The following MTPN variants were observed in gnomAD, a reference collection of about 807,000 sequenced individuals.
MTPN encodes myotrophin.
Under a neutral mutation model 13.5 loss-of-function variants are expected in MTPN, and 2 were observed. The observed-to-expected ratio is 0.15, with a 90% CI of 0.06 to 0.47. The LOEUF (loss-of-function observed/expected upper bound fraction) is 0.47, where lower values mean the gene tolerates loss of function less well. Among genes scored for constraint, MTPN ranks in the 20% least tolerant of loss-of-function variants. The probability of loss-of-function intolerance (pLI) is 0.97; values close to 1 mark genes in which losing one functional copy is unlikely to be tolerated. For synonymous variants in MTPN, 46 were observed against 51.7 expected (o/e 0.89, Z 0.48); for missense variants, 79 against 137.9 (o/e 0.57, Z 2.14).
chr7:135,954,593 T>C (rs540245254), intron 1 of MTPN, among the ~76,000 whole-genome samples: 79 of 152,254 alleles, frequency 5.2e-4, no homozygotes, highest in Admixed American at 4.3e-3. Context: ...AATAAATAAG[T>C]GCAATAAATC....
At chr7:135,949,561 T>C (rs1469325168) in intron 3 of MTPN, among the ~76,000 whole-genome samples, 2 of 152,196 alleles carry the variant, frequency 1.3e-5, no homozygotes, top group African/African-American at 2.4e-5. Flanking sequence ...GTGGTTAACA[T>C]GAAGCTATGG....
intron 1 of MTPN, among the ~76,000 whole-genome samples, chr7:135,954,811 T>C (rs371852391): frequency 6.6e-6 from 1 of 152,042 alleles, no homozygotes; most frequent in Non-Finnish European, 1.5e-5. Context: ...GGCGTGGTGG[T>C]GGGCACCTGT....
chr7:135,977,223 G>A lies in MTPN; in HGVS notation c.-123C>T, dbSNP rs1376217786. On this transcript the variant is annotated 5_prime_UTR_variant, in exon 1 of 4. Coordinates refer to ENST00000393085, the MANE Select transcript of MTPN (RefSeq NM_145808.4). ...GAAGCCGGAGAGGAGAAGAAGAGAAGGAGGGTTAGGCTGCCAGGCGGGCGA... is the reference window on the plus strand; with the variant it reads ...GAAGCCGGAGAGGAGAAGAAGAGAAAGAGGGTTAGGCTGCCAGGCGGGCGA... The A allele has an allele frequency of 1.0e-6, 1 of 996,472 alleles. No homozygotes were observed. The highest frequency in any genetic ancestry group is 1.8e-5 in the Admixed American group (1 of 55,140). The allele number at this position is 996,472 out of a possible 1,614,324, so 61.7% of individuals were successfully genotyped here.
chr7:135,971,224 A>T (rs1355838521), intron 1 of MTPN, among the ~76,000 whole-genome samples: 1 of 152,166 alleles, frequency 6.6e-6, no homozygotes, highest in Non-Finnish European at 1.5e-5. Context: ...GGGAAGTTAG[A>T]GACCAGGCTT....
rs146024186 is a variant in MTPN, at chr7:135,937,405, C to CCT, written c.271-7395_271-7394dup. Among the ~76,000 whole-genome samples the CCT allele has an allele frequency of 0.018, 2,553 of 143,724 alleles. 91 individuals are homozygous for CCT. The East Asian group carries it at 0.18, about 10-fold the overall frequency. 94.3% of individuals were successfully genotyped at this position (143,724 alleles called of 152,430 possible). ...CACACACACACACACACACACAAAA[C>CCT]CTCTCTCTCTCTCTTGAACCAAATA... On this transcript the variant is annotated intron_variant, in intron 3 of 3. Coordinates refer to ENST00000393085, the MANE Select transcript of MTPN (RefSeq NM_145808.4).
chr7:135,944,292 A>T (rs1799255830), intron 3 of MTPN, among the ~76,000 whole-genome samples: 1 of 152,156 alleles, frequency 6.6e-6, no homozygotes, highest in Non-Finnish European at 1.5e-5. Context: ...TATTAAAATT[A>T]TAAGGAATTA....
At position 135,939,576 on chromosome 7, in the gene MTPN, C is replaced by CGGGGGGGG. The variant is rs71174561; in HGVS notation, c.271-9572_271-9565dup. On this transcript the variant is annotated intron_variant, in intron 3 of 3. Transcript: ENST00000393085. ...CCATAAGGATTGGGGAAAATGGGGGCGGGGGGGGGGGGCGGGTGCGTGGGG... is the reference window on the plus strand; with the variant it reads ...CCATAAGGATTGGGGAAAATGGGGGCGGGGGGGGGGGGGGGGGGGGCGGGTGCGTGGGG... Among the ~76,000 whole-genome samples, 10 of 4,738 alleles carry CGGGGGGGG rather than the reference C, an allele frequency of 2.1e-3. 1 individual carries two copies. The highest frequency in any genetic ancestry group is 2.9e-3 in the Non-Finnish European group (5 of 1,728). The allele number at this position is 4,738 out of a possible 152,430, so 3.1% of individuals were successfully genotyped here. A position where few individuals can be genotyped will look rare whatever the true frequency, so the allele number is the denominator to read the frequency against.
chr7:135,955,662 G>C (rs1275704797), intron 1 of MTPN, among the ~76,000 whole-genome samples: 3 of 152,056 alleles, frequency 2.0e-5, no homozygotes, highest in African/African-American at 7.2e-5. Flanking sequence ...ACAAGTGATG[G>C]AAAAATTTTA....
At chr7:135,944,887 T>C (rs541800237) in intron 3 of MTPN, among the ~76,000 whole-genome samples, 1 of 152,308 alleles carries the variant, frequency 6.6e-6, no homozygotes, top group South Asian at 2.1e-4. Context: ...TACAGCCACA[T>C]GTCACTTAAC....
chr7:135,976,927 T>TCCCCCCCCCC, intron 1 of MTPN, 102 bp downstream of exon 1: 1 of 410,736 alleles, frequency 2.4e-6, no homozygotes, highest in Non-Finnish European at 5.1e-6. Context: ...AAGTCTCTCC[T>TCCCCCCCCCC]CCCGCCCACC....
rs923230755 is a variant in MTPN at position 135,969,412 on chromosome 7, T to A, written c.72+7617A>T. Among the ~76,000 whole-genome samples, 7 of 151,860 alleles carry A rather than the reference T, an allele frequency of 4.6e-5. No homozygotes were observed. The South Asian group carries it at 8.3e-4, about 18-fold the overall frequency. On this transcript the variant is annotated intron_variant, in intron 1 of 3. Transcript: ENST00000393085. The stretch of plus-strand genomic sequence containing the variant: ...CCATTCTAATAGTTATAATGTAGTA[T>A]CTCATTGTGGATTTAATTTGCATTT...
At chr7:135,950,574 CA>C in intron 3 of MTPN, 24 bp downstream of exon 3, 1 of 1,539,946 alleles carries the variant, frequency 6.5e-7, no homozygotes, top group South Asian at 1.1e-5. Context: ...ATAGAAAAAG[CA>C]ATACTATTAG....
intron 3 of MTPN, among the ~76,000 whole-genome samples, chr7:135,945,823 G>A (rs1799280423): frequency 6.6e-6 from 1 of 152,100 alleles, no homozygotes; most frequent in Admixed American, 6.5e-5. Context: ...GACCAGCAGT[G>A]AGGTAGGTTT....
chr7:135,953,760 A>G (rs909320696), intron 1 of MTPN, among the ~76,000 whole-genome samples: 2 of 152,086 alleles, frequency 1.3e-5, no homozygotes, highest in African/African-American at 4.8e-5. Flanking sequence ...TCAAATATAT[A>G]TTTTTTTGGA....
intron 3 of MTPN, among the ~76,000 whole-genome samples, chr7:135,930,726 T>C (rs1004940460): frequency 1.3e-5 from 2 of 152,202 alleles, no homozygotes; most frequent in African/African-American, 2.4e-5. Flanking sequence ...GGAGCAGTAA[T>C]TCACCACTGT....
Position 135,929,910 on chromosome 7 carries a change from T to A in MTPN, c.*16A>T, listed in dbSNP as rs1288566241. 4 of 1,613,020 alleles carry A rather than the reference T, an allele frequency of 2.5e-6. No homozygotes were observed. Among genetic ancestry groups the A allele is most frequent in the East Asian group, 4.5e-5 (2 of 44,858 alleles). On this transcript the variant is annotated 3_prime_UTR_variant, in exon 4 of 4. Coordinates refer to ENST00000393085, the MANE Select transcript of MTPN (RefSeq NM_145808.4). The stretch of plus-strand genomic sequence containing the variant: ...CAGGAGAGTCATTCTTCCGGAGTTA[T>A]CAGTCCATCCATCCATCACTGGAGA...
chr7:135,976,924 T>TGCAA, intron 1 of MTPN, 105 bp downstream of exon 1: 1 of 724,844 alleles, frequency 1.4e-6, no homozygotes, highest in Admixed American at 1.9e-5. Context: ...AGGAAGTCTC[T>TGCAA]CCTCCCGCCC....
intron 1 of MTPN, among the ~76,000 whole-genome samples, chr7:135,960,405 C>T (rs961301157): frequency 6.6e-6 from 1 of 151,874 alleles, no homozygotes; most frequent in African/African-American, 2.4e-5. Flanking sequence ...TATAAAAGAT[C>T]GGGTGAACAA....
rs531390362 is a variant in MTPN at position 135,955,619 on chromosome 7, A to G, written c.73-3989T>C. 3.9e-5 allele frequency among the ~76,000 whole-genome samples: 6 copies of G among 152,322 alleles called. 1 individual carries two copies. The highest frequency in any genetic ancestry group is 2.6e-4 in the Admixed American group (4 of 15,302). Reference sequence around the variant, plus strand: ...GATTCCAAAACAAGACAAAGATGTTATAAGAAAATACTGTATGCCAATATT... The same window carrying G: ...GATTCCAAAACAAGACAAAGATGTTGTAAGAAAATACTGTATGCCAATATT... On this transcript the variant is annotated intron_variant, in intron 1 of 3. Transcript: ENST00000393085.
Sources: allele counts gnomAD v4.1 joint callset (sites outside exome capture counted in the v4.1 genomes callset), GRCh38; gene constraint gnomAD v4.1.1; transcripts MANE v1.5; gene names NCBI Gene and HGNC (gene_info 2026-07-23, HGNC 2026-07-21).